ACOT13: variants seen among roughly 807,000 people sequenced by gnomAD.
ACOT13 encodes acyl-coenzyme A thioesterase 13.
ACOT13 carries 10 observed loss-of-function variants against 11.8 expected under a neutral mutation model. The ratio of observed to expected loss-of-function variants is 0.85; its 90% confidence interval spans 0.53 to 1.44. ACOT13 has a LOEUF of 1.44. Among genes scored for constraint, ACOT13 ranks in the 40% most tolerant of loss-of-function variants. ACOT13 has a pLI of 0.00. For missense variants in ACOT13, 172 were observed against 174.1 expected, an observed-to-expected ratio of 0.99 and a Z score of 0.07; for synonymous variants, 53 against 61.0, an observed-to-expected ratio of 0.87 and a Z score of 0.61.
chr6:24,687,382 C>T, intron 1 of ACOT13: 1 of 1,154,754 alleles, frequency 8.7e-7, no homozygotes, highest in Non-Finnish European at 1.1e-6. Flanking sequence ...AAGTTAGTTG[C>T]CATTGAAACT....
At chr6:24,686,220 CAG>C (rs1459636748) in intron 1 of ACOT13, among the ~76,000 whole-genome samples, 1 of 152,114 alleles carries the variant, frequency 6.6e-6, no homozygotes, top group East Asian at 1.9e-4. Context: ...AGAGTCCCAT[CAG>C]AGGTACTGTT....
At chr6:24,673,947 C>T (rs1373938586) in intron 1 of ACOT13, among the ~76,000 whole-genome samples, 1 of 152,216 alleles carries the variant, frequency 6.6e-6, no homozygotes. Flanking sequence ...AGCTTTCTTA[C>T]CACATACAAA....
rs1218487162 is a variant in ACOT13 at position 24,702,458 on chromosome 6, C to T, written c.*843C>T. ...CTTACTCCAATCTTGAGGGTTCTGC[C>T]CTCGTGATCTAATAACTTCCCAAAG... On this transcript the variant is annotated 3_prime_UTR_variant, in exon 3 of 3. Transcript: ENST00000230048. The T allele has an allele frequency of 1.3e-5, 2 of 152,074 alleles. No homozygotes were observed. Among genetic ancestry groups the T allele is most frequent in the Non-Finnish European group, 2.9e-5 (2 of 68,036 alleles). 9.4% of individuals were successfully genotyped at this position (152,074 alleles called of 1,614,324 possible).
At chr6:24,670,558 A>G (rs1582431741) in intron 1 of ACOT13, among the ~76,000 whole-genome samples, 3 of 152,380 alleles carry the variant, frequency 2.0e-5, no homozygotes, top group African/African-American at 7.2e-5. Flanking sequence ...TAAAATAATC[A>G]GTTTCTCCAA....
intron 2 of ACOT13, among the ~76,000 whole-genome samples, chr6:24,699,433 A>G (rs1398276457): frequency 2.0e-5 from 3 of 152,126 alleles, no homozygotes; most frequent in East Asian, 3.9e-4. Context: ...GCTGGTCTCG[A>G]TCTCCTCACC....
chr6:24,681,495 C>G (rs1013313207), intron 1 of ACOT13, among the ~76,000 whole-genome samples: 5 of 59,510 alleles, frequency 8.4e-5, no homozygotes, highest in African/African-American at 6.7e-4. Flanking sequence ...ATAGGGCACA[C>G]TTTTTTTTTT....
chr6:24,695,535 G>A (rs745813857), intron 1 of ACOT13, among the ~76,000 whole-genome samples: 3 of 152,164 alleles, frequency 2.0e-5, no homozygotes, highest in Non-Finnish European at 4.4e-5. Flanking sequence ...CAAGAAACCT[G>A]TATTTATTCT....
intron 1 of ACOT13, among the ~76,000 whole-genome samples, chr6:24,671,833 A>G (rs1332878426): frequency 1.3e-5 from 2 of 152,204 alleles, no homozygotes; most frequent in Non-Finnish European, 2.9e-5. Flanking sequence ...TTTTAACGTA[A>G]CAATTATGAT....
chr6:24,690,987 T>C (rs1026461916), intron 1 of ACOT13, among the ~76,000 whole-genome samples: 1 of 152,262 alleles, frequency 6.6e-6, no homozygotes, highest in African/African-American at 2.4e-5. Context: ...GAACTTTCTG[T>C]ATATTATTGA....
Position 24,667,317 on chromosome 6 carries a change from TC to T in ACOT13, c.55del (p.Arg19AlafsTer20), listed in dbSNP as rs868306202. On this transcript the variant is annotated frameshift_variant, in exon 1 of 3. Transcript: ENST00000230048. LOFTEE classifies it high-confidence loss of function. ...AGGTGATAAAGGCCATGACCAAGGC[TC>T]GCAATTTTGAGAGAGTTTTGGGAAA... Reference protein sequence around the residue: ...REVIKAMTKARNFERVLGKIT... With the variant: ...REVIKAMTKAXNFERVLGKIT... 1 of 1,614,058 alleles carries T rather than the reference TC, an allele frequency of 6.2e-7. No individual in the cohort carries two copies. The highest frequency in any genetic ancestry group is 8.5e-7 in the Non-Finnish European group (1 of 1,180,028).
chr6:24,668,646 A>G (rs1181916033), intron 1 of ACOT13, among the ~76,000 whole-genome samples: 2 of 152,246 alleles, frequency 1.3e-5, no homozygotes, highest in East Asian at 3.8e-4. Context: ...CATGTAAATG[A>G]AGTGGTGACC....
chr6:24,676,318 G>A (rs1778454085), intron 1 of ACOT13, among the ~76,000 whole-genome samples: 1 of 150,636 alleles, frequency 6.6e-6, no homozygotes, highest in Non-Finnish European at 1.5e-5. Flanking sequence ...ACCTTGGGCA[G>A]TATGGCCATT....
Position 24,671,687 on chromosome 6 carries a change from C to CA in ACOT13, c.81+4352dup, listed in dbSNP as rs550728291. Reference sequence around the variant, plus strand: ...TCTCAAAAAACAACAACAGCAACAACAAAAAAAAACACTTTCTAAAGAGGA... The same window carrying CA: ...TCTCAAAAAACAACAACAGCAACAACAAAAAAAAAACACTTTCTAAAGAGGA... On this transcript the variant is annotated intron_variant, in intron 1 of 2. Coordinates refer to ENST00000230048, the MANE Select transcript of ACOT13 (RefSeq NM_018473.4). 5.3e-4 allele frequency among the ~76,000 whole-genome samples: 79 copies of CA among 149,968 alleles called. 2 individuals are homozygous for CA. In the South Asian group the frequency reaches 0.012, roughly 22 times the overall value.
At chr6:24,673,881 T>C (rs896362841) in intron 1 of ACOT13, among the ~76,000 whole-genome samples, 18 of 149,320 alleles carry the variant, frequency 1.2e-4, no homozygotes, top group African/African-American at 4.4e-4. Flanking sequence ...GCTTGAACTT[T>C]TATCTTAGGA....
At chr6:24,691,783 C>T (rs1398138168) in intron 1 of ACOT13, among the ~76,000 whole-genome samples, 2 of 152,252 alleles carry the variant, frequency 1.3e-5, no homozygotes, top group Middle Eastern at 3.4e-3. Context: ...AGATGAGTAA[C>T]ATAATTTGAC....
chr6:24,689,891 AAATT>A (rs1237058191), intron 1 of ACOT13, among the ~76,000 whole-genome samples: 26 of 152,304 alleles, frequency 1.7e-4, no homozygotes, highest in Admixed American at 1.6e-3. Flanking sequence ...GTATTTTATA[AAATT>A]AATTAATTTT....
chr6:24,703,395 A>G lies in ACOT13; in HGVS notation c.*1780A>G, dbSNP rs1416172370. 1.3e-5 allele frequency: 2 copies of G among 152,306 alleles called. No homozygotes were observed. The highest frequency in any genetic ancestry group is 2.9e-5 in the Non-Finnish European group (2 of 68,056). The allele number at this position is 152,306 out of a possible 1,614,324, so 9.4% of individuals were successfully genotyped here. On this transcript the variant is annotated 3_prime_UTR_variant, in exon 3 of 3. Transcript: ENST00000230048. The stretch of plus-strand genomic sequence containing the variant: ...ACAGGAGTCCCAGATGTTTACTTCT[A>G]GTATTTCCCACTAAAAGGAAGCTGG...
At chr6:24,700,948 TAA>T (rs1303967495) in intron 2 of ACOT13, 3 of 152,312 alleles carry the variant, frequency 2.0e-5, no homozygotes, top group African/African-American at 7.2e-5. Context: ...CCAGCTGAGT[TAA>T]AGACAACTTA....
chr6:24,675,429 G>C (rs1382388050), intron 1 of ACOT13, among the ~76,000 whole-genome samples: 1 of 152,156 alleles, frequency 6.6e-6, no homozygotes, highest in African/African-American at 2.4e-5. Flanking sequence ...ATTCTAACTG[G>C]TGTGAGATGG....
Sources: allele counts gnomAD v4.1 joint callset (sites outside exome capture counted in the v4.1 genomes callset), GRCh38; gene constraint gnomAD v4.1.1; transcripts MANE v1.5; gene names NCBI Gene and HGNC (gene_info 2026-07-23, HGNC 2026-07-21).